The following SCN3B variants were observed in gnomAD, a reference collection of about 807,000 sequenced individuals.
The protein encoded by SCN3B is sodium voltage-gated channel beta subunit 3.
A neutral mutation model predicts 25.4 loss-of-function variants in SCN3B; 11 were observed. The ratio of observed to expected loss-of-function variants is 0.43; its 90% CI spans 0.27 to 0.72. SCN3B has a LOEUF of 0.72. SCN3B is among the 30% of genes least tolerant of loss of function. SCN3B has a pLI of 0.18. For missense variants in SCN3B, 218 were observed against 278.3 expected (o/e 0.78, Z 1.54); for synonymous variants, 109 against 110.7 (o/e 0.99, Z 0.09).
intron 4 of SCN3B, chr11:123,640,758 C>G (rs1955779788): frequency 1.3e-5 from 2 of 152,134 alleles, no homozygotes; most frequent in African/African-American, 2.4e-5. Flanking sequence ...TGCATATGAC[C>G]TCACTCACCC....
At chr11:123,635,610 T>C (rs1955714738) in intron 5 of SCN3B, among the ~76,000 whole-genome samples, 3 of 150,926 alleles carry the variant, frequency 2.0e-5, no homozygotes, top group South Asian at 2.1e-4. Context: ...GGCGTGAACC[T>C]GGGAGGCAGA....
chr11:123,645,782 C>T (rs754798057), intron 2 of SCN3B, 32 bp from the exon 3 acceptor site: 6 of 1,612,726 alleles, frequency 3.7e-6, no homozygotes, highest in Non-Finnish European at 5.1e-6. Context: ...AGGGAAGGAA[C>T]AGCAGGTGGT....
chr11:123,634,317 T>G, intron 5 of SCN3B, 111 bp from the exon 6 acceptor site: 1 of 833,984 alleles, frequency 1.2e-6, no homozygotes, highest in Non-Finnish European at 2.0e-6. Flanking sequence ...GCTCTGCATT[T>G]CCTTCTGCTG....
chr11:123,642,931 C>T lies in SCN3B; in HGVS notation c.220-260G>A, dbSNP rs1444327729. On this transcript the variant is annotated intron_variant, in intron 3 of 6. Coordinates refer to ENST00000299333, the MANE Select transcript of SCN3B (RefSeq NM_001040151.2). This position sits in a 1 kb window ranked among gnomAD's most constrained non-coding sequence, Gnocchi z 4.3. ...TGGACGTGGTGAGGACAGAGGCAGC[C>T]ACGGGCGTGTAGGAAGAAGCTTGGC... Among the ~76,000 whole-genome samples, 3 of 151,838 alleles carry T rather than the reference C, an allele frequency of 2.0e-5. No homozygotes were observed. The East Asian group carries it at 5.8e-4, about 29-fold the overall frequency.
rs775194985 is a variant in SCN3B, at chr11:123,642,582, C to T, written c.309G>A (p.Val103=). The change falls in exon 4 of 7, where the codon GTG becomes GTA. Residue 103 remains valine (V), a synonymous_variant. Transcript: ENST00000299333. The surrounding 1 kb of genome is among the most constrained non-coding windows in gnomAD (Gnocchi z 4.3). ...GAGTGACGTTGAGCACAGTGATGGACACGTCCTGCAGGTCCTTGCTGCCAT... is the reference window on the plus strand; with the variant it reads ...GAGTGACGTTGAGCACAGTGATGGATACGTCCTGCAGGTCCTTGCTGCCAT... The part of the protein sequence containing the change: ...QWNGSKDLQD[V]SITVLNVTLN... The T allele has an allele frequency of 3.7e-6, 6 of 1,614,084 alleles. No individual in the cohort carries two copies. Among genetic ancestry groups the T allele is most frequent in the Non-Finnish European group, 4.2e-6 (5 of 1,180,030 alleles).
intron 2 of SCN3B, among the ~76,000 whole-genome samples, chr11:123,646,136 T>C (rs1181081929): frequency 6.6e-6 from 1 of 152,160 alleles, no homozygotes; most frequent in African/African-American, 2.4e-5. Context: ...TAAAATCCAC[T>C]CTCTGCCAGG....
rs1955645584 is a variant in SCN3B, at chr11:123,629,703, G to A, written c.*4096C>T. 6 of 152,226 alleles carry A rather than the reference G, an allele frequency of 3.9e-5. No homozygotes were observed. The allele number at this position is 152,226 out of a possible 1,614,324, so 9.4% of individuals were successfully genotyped here. ...CAAAAAGATGTTAGTAGAATGAGTG[G>A]ATGATCAGACTGGCAAGCACACCAA... On this transcript the variant is annotated 3_prime_UTR_variant, in exon 7 of 7. Transcript: ENST00000299333.
At chr11:123,641,922 C>T (rs185783822) in intron 4 of SCN3B, among the ~76,000 whole-genome samples, 16 of 152,320 alleles carry the variant, frequency 1.1e-4, no homozygotes, top group South Asian at 2.1e-4. Context: ...CAGTGTGTCA[C>T]GCAGTGCAAA....
intron 5 of SCN3B, among the ~76,000 whole-genome samples, chr11:123,635,672 C>T (rs928456247): frequency 1.3e-5 from 2 of 150,788 alleles, no homozygotes; most frequent in Non-Finnish European, 1.5e-5. Flanking sequence ...GGCAACAGAG[C>T]GAGACTCTGT....
chr11:123,637,235 A>G (rs931902817), intron 5 of SCN3B, among the ~76,000 whole-genome samples: 1 of 152,150 alleles, frequency 6.6e-6, no homozygotes, highest in Non-Finnish European at 1.5e-5. Flanking sequence ...ACTTTAGAGG[A>G]TTAGAGTCCC....
At position 123,642,453 on chromosome 11, in the gene SCN3B, G is replaced by C; in HGVS notation, c.438C>G (p.Thr146=). ...CCTGTGCCTCAGCCTCACCCTCCTC[G>C]GTGACTCTTAGGGGGATCAGCCGCG... ...KTTRLIPLRV[T]EEAGEDFTSV... The change falls in exon 4 of 7, where the codon ACC becomes ACG. Residue 146 remains threonine, a synonymous_variant. Coordinates refer to ENST00000299333, the MANE Select transcript of SCN3B (RefSeq NM_001040151.2). This position sits in a 1 kb window ranked among gnomAD's most constrained non-coding sequence, Gnocchi z 4.3. The C allele has an allele frequency of 6.2e-7, 1 of 1,613,968 alleles. No individual in the cohort carries two copies. Among genetic ancestry groups the C allele is most frequent in the Non-Finnish European group, 8.5e-7 (1 of 1,179,960 alleles).
At position 123,629,494 on chromosome 11, in the gene SCN3B, G is replaced by A. The variant is rs886147358; in HGVS notation, c.*4305C>T. On this transcript the variant is annotated 3_prime_UTR_variant, in exon 7 of 7. Coordinates refer to ENST00000299333, the MANE Select transcript of SCN3B (RefSeq NM_001040151.2). ...TTGATATATAAATCAGACTTGCTTG[G>A]AAGTGCTTATCTCCTGCGTCCTGCT... 1 of 152,284 alleles carries A rather than the reference G, an allele frequency of 6.6e-6. No individual in the cohort carries two copies. Among genetic ancestry groups the A allele is most frequent in the East Asian group, 1.9e-4 (1 of 5,198 alleles). 9.4% of individuals were successfully genotyped at this position (152,284 alleles called of 1,614,324 possible). A position where few individuals can be genotyped will look rare whatever the true frequency, so the allele number is the denominator to read the frequency against.
Position 123,632,116 on chromosome 11 carries a change from G to A in SCN3B, c.*1683C>T, listed in dbSNP as rs2098092819. 6.6e-6 allele frequency: 1 copy of A among 152,120 alleles called. No homozygotes were observed. Among genetic ancestry groups the A allele is most frequent in the South Asian group, 2.1e-4 (1 of 4,812 alleles). 9.4% of individuals were successfully genotyped at this position (152,120 alleles called of 1,614,324 possible). ...TAATTAAAATGAAACACGAGATATT[G>A]ACTAAAGTTTTTTCCAGTTTCTCTG... On this transcript the variant is annotated 3_prime_UTR_variant, in exon 7 of 7. Coordinates refer to ENST00000299333, the MANE Select transcript of SCN3B (RefSeq NM_001040151.2).
chr11:123,638,151 A>G lies in SCN3B; in HGVS notation c.584+35T>C, dbSNP rs763585108. ...TGAGAGCAAGCATTCTGAAGGTGCT[A>G]GCTTTCATTATTACTTTGGCATCTC... On this transcript the variant is annotated intron_variant, in intron 5 of 6. Transcript: ENST00000299333. 1.4e-5 allele frequency: 22 copies of G among 1,613,116 alleles called. No individual in the cohort carries two copies. The Admixed American group carries it at 3.7e-4, about 27-fold the overall frequency.
Position 123,654,608 on chromosome 11 carries a change from T to G in SCN3B, c.-408A>C, listed in dbSNP as rs1037948231. On this transcript the variant is annotated 5_prime_UTR_variant, in exon 1 of 7. The change abolishes an upstream ATG in the 5' untranslated region. Transcript: ENST00000299333. ...GCCGTGTGTGCTGTCAGCCCTGACA[T>G]GCGCAGGCGGCTCTCCGCCACCACC... 6.5e-6 allele frequency: 1 copy of G among 152,824 alleles called. No homozygotes were observed. The highest frequency in any genetic ancestry group is 1.5e-5 in the Non-Finnish European group (1 of 68,580). 9.5% of individuals were successfully genotyped at this position (152,824 alleles called of 1,614,324 possible). A position where few individuals can be genotyped will look rare whatever the true frequency, so the allele number is the denominator to read the frequency against.
In SCN3B at chr11:123,638,327, G is replaced by A; in HGVS notation, c.446-3C>T. 1 of 1,613,870 alleles carries A rather than the reference G, an allele frequency of 6.2e-7. No homozygotes were observed. Among genetic ancestry groups the A allele is most frequent in the South Asian group, 1.1e-5 (1 of 91,076 alleles). ...CACAGAGGTGAAGTCCTCTCCAGCT[G>A]AAAGAAAGAGAATGAGGTTCAGAAT... On this transcript the variant is annotated splice_polypyrimidine_tract_variant and splice_region_variant and intron_variant, in intron 4 of 6. Transcript: ENST00000299333.
At position 123,642,934 on chromosome 11, in the gene SCN3B, G is replaced by A. The variant is rs892730320; in HGVS notation, c.220-263C>T. 6.6e-6 allele frequency among the ~76,000 whole-genome samples: 1 copy of A among 152,060 alleles called. No homozygotes were observed. Among genetic ancestry groups the A allele is most frequent in the Admixed American group, 6.6e-5 (1 of 15,252 alleles). ...ACGTGGTGAGGACAGAGGCAGCCAC[G>A]GGCGTGTAGGAAGAAGCTTGGCAGA... On this transcript the variant is annotated intron_variant, in intron 3 of 6. Transcript: ENST00000299333. The surrounding 1 kb of genome is among the most constrained non-coding windows in gnomAD (Gnocchi z 4.3).
At chr11:123,639,620 C>G (rs1049530625) in intron 4 of SCN3B, 1 of 152,292 alleles carries the variant, frequency 6.6e-6, no homozygotes, top group African/African-American at 2.4e-5. Context: ...TCAGGTGATC[C>G]TCCTGCCCTG....
chr11:123,653,661 T>C, intron 2 of SCN3B, 86 bp downstream of exon 2: 2 of 1,500,458 alleles, frequency 1.3e-6, no homozygotes, highest in Admixed American at 1.7e-5. Flanking sequence ...CAGAGCTCTT[T>C]TCTGTCACCA....
Sources: allele counts gnomAD v4.1 joint callset (sites outside exome capture counted in the v4.1 genomes callset), GRCh38; gene constraint gnomAD v4.1.1; non-coding constraint Gnocchi (gnomAD v3.1); transcripts MANE v1.5; gene names NCBI Gene and HGNC (gene_info 2026-07-23, HGNC 2026-07-21).